Variants in RGPD1 observed in about 807,000 individuals in gnomAD.
RGPD1 encodes the protein RANBP2 like and GRIP domain containing 1.
A neutral mutation model predicts 40.6 loss-of-function variants in RGPD1; 7 were observed. The observed-to-expected ratio is 0.17, with a 90% CI of 0.10 to 0.32. RGPD1 has a LOEUF of 0.32. RGPD1 is among the 10% of genes least tolerant of loss of function. RGPD1 has a pLI of 1.00. For synonymous variants in RGPD1, 24 were observed against 167.0 expected (o/e 0.14, Z 6.60); for missense variants, 50 against 472.5 (o/e 0.11, Z 8.29).
At position 86,914,905 on chromosome 2, in the gene RGPD1, CGGCGGA is replaced by C. The variant is rs1338383004; in HGVS notation, c.72+990_72+995del. Reference sequence around the variant, plus strand: ...CGGCGGCCTCGACCTGGCCGGGCGGCGGCGGAGGCGGCGGCCTCGACCTGGCCGGGC... The same window carrying C: ...CGGCGGCCTCGACCTGGCCGGGCGGCGGCGGCGGCCTCGACCTGGCCGGGC... On this transcript the variant is annotated intron_variant, in intron 1 of 22. Coordinates refer to the RGPD1 transcript ENST00000398193. Among the ~76,000 whole-genome samples the C allele has an allele frequency of 5.7e-4, 37 of 64,702 alleles. 7 individuals are homozygous for C. Among genetic ancestry groups the C allele is most frequent in the African/African-American group, 2.1e-3 (29 of 13,718 alleles). 42.4% of individuals were successfully genotyped at this position (64,702 alleles called of 152,430 possible).
intron 1 of RGPD1, chr2:86,914,071 CCG>C (rs1677597368): frequency 2.3e-5 from 1 of 43,496 alleles, no homozygotes; most frequent in African/African-American, 9.9e-5. Flanking sequence ...GGCCTCGGCC[CCG>C]GCCTGGCCGG....
chr2:86,915,280 A>C lies in RGPD1; in HGVS notation c.72+1359A>C, dbSNP rs766222307. 1.1e-4 allele frequency among the ~76,000 whole-genome samples: 17 copies of C among 150,826 alleles called. 1 individual carries two copies. Among genetic ancestry groups the C allele is most frequent in the Non-Finnish European group, 1.9e-4 (13 of 67,682 alleles). The stretch of plus-strand genomic sequence containing the variant: ...CACTGCACTCCAGCCTAGGTGATAG[A>C]GTTAGGGTTAGGGTTAGGGTTAGGC... On this transcript the variant is annotated intron_variant, in intron 1 of 22. Coordinates refer to the RGPD1 transcript ENST00000398193.
chr2:86,945,053 AAG>A (rs1467893019), intron 1 of RGPD1, among the ~76,000 whole-genome samples: 3 of 151,964 alleles, frequency 2.0e-5, no homozygotes, highest in Non-Finnish European at 2.9e-5. Context: ...AAAAAAAAAA[AAG>A]CATGTTTAGA....
intron 1 of RGPD1, among the ~76,000 whole-genome samples, chr2:86,924,934 T>C (rs1252067110): frequency 6.6e-6 from 1 of 150,430 alleles, no homozygotes; most frequent in Non-Finnish European, 1.5e-5. Flanking sequence ...CAACATATTA[T>C]ATAGTAAGAC....
intron 1 of RGPD1, among the ~76,000 whole-genome samples, chr2:86,928,491 GAGT>G (rs2104698893): frequency 6.6e-6 from 1 of 152,180 alleles, no homozygotes; most frequent in Admixed American, 6.5e-5. Flanking sequence ...TATGGTAAAT[GAGT>G]AGTATGGTAA....
intron 1 of RGPD1, among the ~76,000 whole-genome samples, chr2:86,944,018 CA>C (rs550193405): frequency 6.7e-6 from 1 of 149,148 alleles, no homozygotes; most frequent in African/African-American, 2.5e-5. Flanking sequence ...CAAAAAAAAA[CA>C]AAAAAAAACC....
At chr2:86,929,303 C>T (rs1027224249) in intron 1 of RGPD1, among the ~76,000 whole-genome samples, 20 of 150,406 alleles carry the variant, frequency 1.3e-4, no homozygotes, top group African/African-American at 4.7e-4. Context: ...ACCTTGAATT[C>T]ACCAGGTCAT....
In RGPD1 at chr2:87,000,616, G is replaced by T. The variant is rs1424759563; in HGVS notation, c.5236+2858G>T. 2.2e-5 allele frequency among the ~76,000 whole-genome samples: 2 copies of T among 92,412 alleles called. 1 individual carries two copies. The highest frequency in any genetic ancestry group is 2.0e-4 in the Admixed American group (2 of 9,824). The allele number at this position is 92,412 out of a possible 152,430, so 60.6% of individuals were successfully genotyped here. A position where few individuals can be genotyped will look rare whatever the true frequency, so the allele number is the denominator to read the frequency against. On this transcript the variant is annotated intron_variant, in intron 22 of 22. Coordinates refer to ENST00000641458, the MANE Select transcript of RGPD1 (RefSeq NM_001382344.1). ...ACCTTATTACAATTAAAAACTGATG[G>T]TTTAGCAGCAGATTTAGATACCTTA...
At chr2:86,944,937 T>TC (rs1680229487) in intron 1 of RGPD1, among the ~76,000 whole-genome samples, 1 of 151,740 alleles carries the variant, frequency 6.6e-6, no homozygotes, top group Admixed American at 6.6e-5. Flanking sequence ...CAGGCTGGTC[T>TC]CCAACTCCTG....
At chr2:87,003,627 TA>T (rs1486401017) in intron 22 of RGPD1, among the ~76,000 whole-genome samples, 15 of 21,208 alleles carry the variant, frequency 7.1e-4, no homozygotes, top group African/African-American at 2.4e-3. Context: ...TTAAAATTGC[TA>T]AAAACGAGGA....
At chr2:86,956,814 C>T (rs1438456510) in intron 4 of RGPD1, among the ~76,000 whole-genome samples, 13 of 92,560 alleles carry the variant, frequency 1.4e-4, no homozygotes, top group Admixed American at 3.7e-4. Context: ...ATGTTATTGT[C>T]TTGAAGGGAA....
chr2:86,943,996 A>G (rs1298266928), intron 1 of RGPD1, among the ~76,000 whole-genome samples: 1 of 151,962 alleles, frequency 6.6e-6, no homozygotes, highest in Non-Finnish European at 1.5e-5. Context: ...CCTGGGCGAC[A>G]GAGGGAGACT....
rs911583850 is a variant in RGPD1 at position 86,929,929 on chromosome 2, ACTT to A, written c.72+16009_72+16011del. Among the ~76,000 whole-genome samples the A allele has an allele frequency of 1.8e-4, 25 of 139,726 alleles. 2 individuals carry two copies. In the East Asian group the frequency reaches 5.7e-3, roughly 32 times the overall value. 91.7% of individuals were successfully genotyped at this position (139,726 alleles called of 152,430 possible). A position where few individuals can be genotyped will look rare whatever the true frequency, so the allele number is the denominator to read the frequency against. ...GTAACCCATCCACCCTCTCAAAACT[ACTT>A]ATGGGATGTCCCCTTCACTGGAAGA... On this transcript the variant is annotated intron_variant, in intron 1 of 22. Coordinates refer to the RGPD1 transcript ENST00000398193.
At chr2:86,930,199 C>G (rs1573581825) in intron 1 of RGPD1, 1 of 1,448,212 alleles carries the variant, frequency 6.9e-7, no homozygotes, top group East Asian at 2.6e-5. Flanking sequence ...AGGGAGGGCA[C>G]TCTGGTGGGA....
chr2:86,930,107 A>C, intron 1 of RGPD1: 1 of 1,563,146 alleles, frequency 6.4e-7, no homozygotes, highest in South Asian at 1.1e-5. Context: ...TTAATACCGG[A>C]GTCGCCAGTT....
At chr2:86,942,620 T>C (rs1246349543) in intron 1 of RGPD1, among the ~76,000 whole-genome samples, 3 of 123,378 alleles carry the variant, frequency 2.4e-5, no homozygotes, top group African/African-American at 9.1e-5. Flanking sequence ...CGCTGCTCCC[T>C]GGCGCGCTCT....
intron 1 of RGPD1, among the ~76,000 whole-genome samples, chr2:86,923,283 C>T (rs1224104181): frequency 6.6e-6 from 1 of 151,670 alleles, no homozygotes; most frequent in South Asian, 2.1e-4. Context: ...AAGTGACCTT[C>T]CTGACCTTGG....
rs1009142452 is a variant in RGPD1, at chr2:86,930,506, C to G, written c.72+16585C>G. ...CACGCTGCCGCTGCTGTTGTTGCAG[C>G]CTGAGTTTAGCTCGTCGGTGGCGGA... On this transcript the variant is annotated intron_variant, in intron 1 of 22. Coordinates refer to the RGPD1 transcript ENST00000398193. The G allele has an allele frequency of 1.4e-5, 22 of 1,524,648 alleles. No homozygotes were observed. The African/African-American group carries it at 2.8e-4, about 19-fold the overall frequency. The allele number at this position is 1,524,648 out of a possible 1,614,324, so 94.4% of individuals were successfully genotyped here. A position where few individuals can be genotyped will look rare whatever the true frequency, so the allele number is the denominator to read the frequency against.
At chr2:86,942,632 T>A (rs1679948468) in intron 1 of RGPD1, among the ~76,000 whole-genome samples, 1 of 127,442 alleles carries the variant, frequency 7.8e-6, no homozygotes, top group Non-Finnish European at 1.7e-5. Context: ...GCGCGCTCTG[T>A]TGAGGCGCCG....
Sources: gnomAD v4.1 joint callset for allele counts (sites outside exome capture counted in the v4.1 genomes callset) on GRCh38, gnomAD v4.1.1 for gene constraint, MANE v1.5 for transcripts, NCBI Gene and HGNC (gene_info 2026-07-23, HGNC 2026-07-21) for gene names.